Variants in ARHGAP32 observed in about 807,000 individuals in gnomAD.
ARHGAP32 encodes rho GTPase-activating protein 32.
Under a neutral mutation model 186.5 loss-of-function variants are expected in ARHGAP32, and 51 were observed. The observed-to-expected ratio is 0.27, with a 90% confidence interval of 0.22 to 0.35. ARHGAP32 has a LOEUF of 0.35. Ranked by LOEUF, ARHGAP32 falls within the 10% of genes least tolerant of loss-of-function variation. The pLI is 1.00. For missense variants in ARHGAP32, 2,186 were observed against 2,623.5 expected (o/e 0.83, Z 3.64); for synonymous variants, 950 against 964.3 (o/e 0.99, Z 0.27).
chr11:129,075,496 A>G (rs2135195665), intron 6 of ARHGAP32, among the ~76,000 whole-genome samples: 1 of 152,268 alleles, frequency 6.6e-6, no homozygotes, highest in East Asian at 1.9e-4. Flanking sequence ...CTGTGAGGCA[A>G]ATACTGATTA....
At chr11:129,145,746 T>C (rs931412783) in intron 2 of ARHGAP32, among the ~76,000 whole-genome samples, 7 of 152,136 alleles carry the variant, frequency 4.6e-5, no homozygotes, top group Non-Finnish European at 7.4e-5. Context: ...AATTTTGACC[T>C]ATAAAATTAT....
intron 2 of ARHGAP32, among the ~76,000 whole-genome samples, chr11:129,160,356 T>C (rs1943503900): frequency 1.3e-5 from 2 of 152,142 alleles, no homozygotes; most frequent in Non-Finnish European, 2.9e-5. Context: ...AAAAACCCCA[T>C]CGTCTCAACC....
chr11:129,088,390 GCCAACATGGTGAAAC>G (rs1321663220), intron 6 of ARHGAP32, among the ~76,000 whole-genome samples: 1 of 151,956 alleles, frequency 6.6e-6, no homozygotes, highest in Non-Finnish European at 1.5e-5. Context: ...GACCATCTTG[GCCAACATGGTGAAAC>G]CCCGTCTCTA....
At chr11:129,000,782 C>T (rs1946338526) in intron 11 of ARHGAP32, among the ~76,000 whole-genome samples, 1 of 151,848 alleles carries the variant, frequency 6.6e-6, no homozygotes, top group Admixed American at 6.6e-5. Context: ...TGGCTTATTA[C>T]CCTTTCTGGC....
intron 1 of ARHGAP32, among the ~76,000 whole-genome samples, chr11:129,236,008 G>C (rs1019627836): frequency 3.3e-5 from 5 of 151,798 alleles, no homozygotes; most frequent in African/African-American, 1.2e-4. Context: ...TTTTTGCAAT[G>C]CGAATTGTGC....
intron 6 of ARHGAP32, among the ~76,000 whole-genome samples, chr11:129,070,686 C>T (rs1313425078): frequency 6.6e-6 from 1 of 151,904 alleles, no homozygotes; most frequent in Non-Finnish European, 1.5e-5. Context: ...TATAGCTTTT[C>T]TGTGAGTCTA....
chr11:129,179,027 T>A (rs1943986661), intron 1 of ARHGAP32, among the ~76,000 whole-genome samples: 1 of 149,912 alleles, frequency 6.7e-6, no homozygotes, highest in African/African-American at 2.5e-5. Flanking sequence ...TGGGAGAAAA[T>A]TTTTGCAACC....
chr11:129,134,021 T>C (rs1352907760), intron 2 of ARHGAP32, among the ~76,000 whole-genome samples: 1 of 152,164 alleles, frequency 6.6e-6, no homozygotes, highest in Non-Finnish European at 1.5e-5. Flanking sequence ...ATTTCTACAT[T>C]CTACTTGAAG....
rs7120571 is a variant in ARHGAP32, at chr11:129,078,399, T to C, written c.532-11531A>G. Among the ~76,000 whole-genome samples the C allele has an allele frequency of 7.3e-3, 1,107 of 152,164 alleles. 16 individuals are homozygous for C. The highest frequency in any genetic ancestry group is 0.026 in the African/African-American group (1,074 of 41,518). On this transcript the variant is annotated intron_variant, in intron 6 of 22. Transcript: ENST00000682385. Reference sequence around the variant, plus strand: ...ACTCTGGTAAGATGACGAAACAAGGTTAACACCCCCAAAAGATCACGTCAG... The same window carrying C: ...ACTCTGGTAAGATGACGAAACAAGGCTAACACCCCCAAAAGATCACGTCAG...
At chr11:129,174,234 G>A (rs1011290111) in intron 1 of ARHGAP32, among the ~76,000 whole-genome samples, 4 of 152,174 alleles carry the variant, frequency 2.6e-5, no homozygotes, top group South Asian at 2.1e-4. Context: ...CTTTTCCGAC[G>A]GGCCTAAAAA....
chr11:129,002,230 G>A (rs1156682998), intron 11 of ARHGAP32, among the ~76,000 whole-genome samples: 5 of 152,100 alleles, frequency 3.3e-5, no homozygotes, highest in African/African-American at 2.4e-5. Flanking sequence ...ATCCATGAAC[G>A]TGGAATACCT....
chr11:129,080,929 C>A (rs188068915), intron 6 of ARHGAP32, among the ~76,000 whole-genome samples: 11 of 152,028 alleles, frequency 7.2e-5, no homozygotes, highest in Admixed American at 4.6e-4. Context: ...GCTATTACAA[C>A]TAAAACCACA....
At chr11:129,263,871 G>A (rs2135714588) in intron 1 of ARHGAP32, among the ~76,000 whole-genome samples, 1 of 152,202 alleles carries the variant, frequency 6.6e-6, no homozygotes, top group African/African-American at 2.4e-5. Flanking sequence ...ATGTGATCCA[G>A]CAATTCCACT....
chr11:129,217,828 G>C (rs1944664516), intron 1 of ARHGAP32, among the ~76,000 whole-genome samples: 1 of 152,146 alleles, frequency 6.6e-6, no homozygotes, highest in Non-Finnish European at 1.5e-5. Context: ...ATAGTTAAAA[G>C]CACTAGCTTG....
chr11:129,080,030 G>A (rs1941175067), intron 6 of ARHGAP32, among the ~76,000 whole-genome samples: 1 of 152,074 alleles, frequency 6.6e-6, no homozygotes, highest in African/African-American at 2.4e-5. Context: ...AATGATAAAA[G>A]GACTAATCCA....
chr11:129,108,909 T>A (rs11601946), intron 5 of ARHGAP32, among the ~76,000 whole-genome samples: 11,055 of 152,224 alleles, frequency 0.073, 535 homozygotes, highest in Admixed American at 0.12. Context: ...TTACCATTTT[T>A]ATGTACTGGA....
At chr11:128,997,152 AT>A (rs1946223032) in intron 12 of ARHGAP32, among the ~76,000 whole-genome samples, 1 of 151,748 alleles carries the variant, frequency 6.6e-6, no homozygotes. Flanking sequence ...CCTATTACTG[AT>A]TTTTTTCTTT....
At chr11:129,097,372 GACAA>G (rs1330102127) in intron 5 of ARHGAP32, among the ~76,000 whole-genome samples, 1 of 152,018 alleles carries the variant, frequency 6.6e-6, no homozygotes, top group East Asian at 1.9e-4. Context: ...AGGTTTACTA[GACAA>G]ACAACTATCT....
chr11:129,259,334 G>T (rs967510699), intron 1 of ARHGAP32, among the ~76,000 whole-genome samples: 4 of 151,920 alleles, frequency 2.6e-5, no homozygotes, highest in African/African-American at 2.4e-5. Flanking sequence ...GCAAATAAGA[G>T]AACTATATAC....
Sources: gnomAD v4.1 joint callset for allele counts (sites outside exome capture counted in the v4.1 genomes callset) on GRCh38, gnomAD v4.1.1 for gene constraint, MANE v1.5 for transcripts, NCBI Gene and HGNC (gene_info 2026-07-23, HGNC 2026-07-21) for gene names.